CCDC127: variants seen among roughly 807,000 people sequenced by gnomAD.
The protein encoded by CCDC127 is coiled-coil domain containing 127, also known as coiled-coil domain-containing protein 127.
In CCDC127, 2 loss-of-function variants were observed where a neutral mutation model predicts 4.1. That is an observed-to-expected ratio of 0.49 (90% confidence interval 0.20 to 1.53). The LOEUF (loss-of-function observed/expected upper bound fraction) is 1.53, where lower values mean the gene tolerates loss of function less well. Among genes scored for constraint, CCDC127 ranks in the 40% most tolerant of loss-of-function variants. The pLI, the probability that CCDC127 is intolerant of heterozygous loss-of-function variation, is 0.23. For synonymous variants in CCDC127, 98 were observed against 120.4 expected (o/e 0.81, Z 1.22); for missense variants, 271 against 322.9 (o/e 0.84, Z 1.23).
Position 205,719 on chromosome 5 carries a change from C to T in CCDC127, c.361G>A (p.Glu121Lys). The part of the protein sequence containing the change: ...RKLVEEKKLL[E>K]QERAQVMQEK... ...TGCATCACCTGGGCCCGTTCCTGTT[C>T]CAGAAGCTTCTTTTCTTCTACCAAC... Residue 121 changes from glutamate to lysine, a missense_variant, in exon 3 of 3, where the codon GAA becomes AAA. Around this residue, in one of 2 missense-constraint regions of CCDC127, gnomAD observed 265 missense variants for 270.9 expected, o/e 0.98. Coordinates refer to ENST00000296824, the MANE Select transcript of CCDC127 (RefSeq NM_145265.3). The T allele has an allele frequency of 6.2e-7, 1 of 1,614,188 alleles. No homozygotes were observed. Among genetic ancestry groups the T allele is most frequent in the Non-Finnish European group, 8.5e-7 (1 of 1,180,046 alleles).
At chr5:209,093 C>A (rs1411044408) in intron 2 of CCDC127, among the ~76,000 whole-genome samples, 2 of 152,144 alleles carry the variant, frequency 1.3e-5, no homozygotes, top group East Asian at 1.9e-4. Context: ...AGGACTCCCC[C>A]ACAAACACAG....
At position 202,507 on chromosome 5, in the gene CCDC127, C is replaced by T. The variant is rs1734091220; in HGVS notation, c.*2790G>A. The T allele has an allele frequency of 6.6e-6, 1 of 152,340 alleles. No homozygotes were observed. Among genetic ancestry groups the T allele is most frequent in the African/African-American group, 2.4e-5 (1 of 41,466 alleles). The allele number at this position is 152,340 out of a possible 1,614,324, so 9.4% of individuals were successfully genotyped here. ...GGCTGAGGCAGGCAAACTACTCGAA[C>T]CCGGGAGGCAGAGCTTGCAGTGAGG... On this transcript the variant is annotated 3_prime_UTR_variant, in exon 3 of 3. Transcript: ENST00000296824.
Position 205,685 on chromosome 5 carries a change from C to G in CCDC127, c.395G>C (p.Arg132Thr), listed in dbSNP as rs1289378061. 6.2e-7 allele frequency: 1 copy of G among 1,614,112 alleles called. No homozygotes were observed. Among genetic ancestry groups the G allele is most frequent in the Non-Finnish European group, 8.5e-7 (1 of 1,180,016 alleles). The change falls in exon 3 of 3, where the codon AGA becomes ACA. Residue 132 changes from arginine to threonine, a missense_variant. Physicochemically the swap from Arg to Thr is moderately conservative, Grantham distance 71 (BLOSUM62 -1). Around this residue, in one of 2 missense-constraint regions of CCDC127, gnomAD observed 265 missense variants for 270.9 expected, o/e 0.98. Coordinates refer to ENST00000296824, the MANE Select transcript of CCDC127 (RefSeq NM_145265.3). ...QERAQVMQEK[R>T]QVQPLRSAYL... Reference sequence around the variant, plus strand: ...CGCACTTCTCAAAGGCTGCACCTGTCTTTTTTCTTGCATCACCTGGGCCCG... The same window carrying G: ...CGCACTTCTCAAAGGCTGCACCTGTGTTTTTTCTTGCATCACCTGGGCCCG...
intron 1 of CCDC127, among the ~76,000 whole-genome samples, chr5:217,878 CA>C (rs1333043892): frequency 1.9e-4 from 29 of 152,250 alleles, no homozygotes; most frequent in African/African-American, 7.0e-4. Flanking sequence ...CACACAATTA[CA>C]AAATAGTTTA....
chr5:208,978 G>A (rs1734233069), intron 2 of CCDC127, among the ~76,000 whole-genome samples: 1 of 130,516 alleles, frequency 7.7e-6, no homozygotes, highest in African/African-American at 3.6e-5. Flanking sequence ...CAGCTGCCAT[G>A]ACAGAGAGCC....
chr5:210,422 TAAC>T (rs1734258602), intron 2 of CCDC127, among the ~76,000 whole-genome samples: 1 of 150,930 alleles, frequency 6.6e-6, no homozygotes, highest in South Asian at 2.1e-4. Flanking sequence ...TAAGACATAT[TAAC>T]AACTCTCAAA....
Position 196,933 on chromosome 5 carries a change from G to T in CCDC127, c.*8364C>A, listed in dbSNP as rs1003675095. 2 of 120,012 alleles carry T rather than the reference G, an allele frequency of 1.7e-5. No homozygotes were observed. Among genetic ancestry groups the T allele is most frequent in the African/African-American group, 5.8e-5 (2 of 34,386 alleles). The allele number at this position is 120,012 out of a possible 1,614,324, so 7.4% of individuals were successfully genotyped here. On this transcript the variant is annotated 3_prime_UTR_variant, in exon 3 of 3. Transcript: ENST00000296824. ...CATACCAAGGACCTGCACTGGCACC[G>T]GCCTCTGAGTTCCCTCAGTTTTTAT...
intron 2 of CCDC127, among the ~76,000 whole-genome samples, chr5:209,885 C>CA (rs55781740): frequency 0.11 from 16,075 of 149,292 alleles, 947 homozygotes; most frequent in Admixed American, 0.16. Flanking sequence ...CAATTGAAAC[C>CA]AAAAAAAAAC....
Position 205,740 on chromosome 5 carries a change from C to A in CCDC127, c.340G>T (p.Val114Leu), listed in dbSNP as rs753663261. The part of the protein sequence containing the change: ...EALISQGRKL[V>L]EEKKLLEQER... ...TGTTCCAGAAGCTTCTTTTCTTCTA[C>A]CAACTTGCGTCCCTGAGAGATAAGG... is the stretch of plus-strand genomic sequence containing the variant. The change falls in exon 3 of 3, where the codon GTA (valine) becomes TTA (leucine). Residue 114 changes from valine (V) to leucine (L), a missense_variant. By Grantham distance (32) the Val-to-Leu change is conservative. This residue lies in a region of CCDC127 where 265 missense variants were observed against 270.9 expected (regional missense o/e 0.98). Transcript: ENST00000296824. 6.2e-7 allele frequency: 1 copy of A among 1,614,142 alleles called. No homozygotes were observed.
chr5:213,147 C>T (rs1478160510), intron 2 of CCDC127, among the ~76,000 whole-genome samples: 1 of 86,724 alleles, frequency 1.2e-5, no homozygotes, highest in African/African-American at 7.3e-5. Flanking sequence ...ATGGGGCAGA[C>T]GGGACAGCAG....
Position 198,717 on chromosome 5 carries a change from A to G in CCDC127, c.*6580T>C, listed in dbSNP as rs1734014301. ...TCGGCCCCATCCTGCATGGCCGTTC[A>G]CCATTCGCTGGGTCTTTGTCCTCGC... On this transcript the variant is annotated 3_prime_UTR_variant, in exon 3 of 3. Coordinates refer to ENST00000296824, the MANE Select transcript of CCDC127 (RefSeq NM_145265.3). The G allele has an allele frequency of 6.6e-6, 1 of 152,290 alleles. No homozygotes were observed. Among genetic ancestry groups the G allele is most frequent in the East Asian group, 1.9e-4 (1 of 5,198 alleles). The allele number at this position is 152,290 out of a possible 1,614,324, so 9.4% of individuals were successfully genotyped here. A position where few individuals can be genotyped will look rare whatever the true frequency, so the allele number is the denominator to read the frequency against.
chr5:208,576 G>A (rs1393394935), intron 2 of CCDC127, among the ~76,000 whole-genome samples: 3 of 152,232 alleles, frequency 2.0e-5, no homozygotes, highest in African/African-American at 7.2e-5. Flanking sequence ...ACACAGGGTG[G>A]GGTCGGGGGG....
chr5:198,004 G>T lies in CCDC127; in HGVS notation c.*7293C>A, dbSNP rs1406614546. On this transcript the variant is annotated 3_prime_UTR_variant, in exon 3 of 3. Transcript: ENST00000296824. The stretch of plus-strand genomic sequence containing the variant: ...CTGCCCCCAGGTCACCCCCACCCAG[G>T]TTTGTCTCCATCCCCTTTCTCCTTC... 6.6e-6 allele frequency: 1 copy of T among 152,214 alleles called. No individual in the cohort carries two copies. Among genetic ancestry groups the T allele is most frequent in the Non-Finnish European group, 1.5e-5 (1 of 68,262 alleles). The allele number at this position is 152,214 out of a possible 1,614,324, so 9.4% of individuals were successfully genotyped here.
Position 200,929 on chromosome 5 carries a change from T to C in CCDC127, c.*4368A>G, listed in dbSNP as rs1325880992. ...GCTAGCCAGCGTCTACACAGCAGGC[T>C]GCCCCCATCACAGCCAGCCAGCGTC... On this transcript the variant is annotated 3_prime_UTR_variant, in exon 3 of 3. Transcript: ENST00000296824. 1 of 132,268 alleles carries C rather than the reference T, an allele frequency of 7.6e-6. No individual in the cohort carries two copies. The highest frequency in any genetic ancestry group is 1.6e-5 in the Non-Finnish European group (1 of 63,722). 8.2% of individuals were successfully genotyped at this position (132,268 alleles called of 1,614,324 possible). A position where few individuals can be genotyped will look rare whatever the true frequency, so the allele number is the denominator to read the frequency against.
At chr5:217,072 A>C in intron 1 of CCDC127, 1 of 474,426 alleles carries the variant, frequency 2.1e-6, no homozygotes. Flanking sequence ...TGGAGGTTGC[A>C]GTGAGTCGAG....
In CCDC127 at chr5:202,194, T is replaced by C. The variant is rs1734086911; in HGVS notation, c.*3103A>G. The C allele has an allele frequency of 6.6e-6, 1 of 152,208 alleles. No homozygotes were observed. The highest frequency in any genetic ancestry group is 1.5e-5 in the Non-Finnish European group (1 of 68,050). The allele number at this position is 152,208 out of a possible 1,614,324, so 9.4% of individuals were successfully genotyped here. A position where few individuals can be genotyped will look rare whatever the true frequency, so the allele number is the denominator to read the frequency against. On this transcript the variant is annotated 3_prime_UTR_variant, in exon 3 of 3. Coordinates refer to ENST00000296824, the MANE Select transcript of CCDC127 (RefSeq NM_145265.3). The stretch of plus-strand genomic sequence containing the variant: ...TGTAACTATTCCAAACCGACCACAA[T>C]CCATTTCAAAAGAGGGTGGCCTCAC...
In CCDC127 at chr5:212,415, T is replaced by C. The variant is rs1199628944; in HGVS notation, c.121+4314A>G. Among the ~76,000 whole-genome samples, 6 of 28,116 alleles carry C rather than the reference T, an allele frequency of 2.1e-4. 1 individual carries two copies. The highest frequency in any genetic ancestry group is 9.5e-4 in the African/African-American group (5 of 5,280). 18.4% of individuals were successfully genotyped at this position (28,116 alleles called of 152,430 possible). A position where few individuals can be genotyped will look rare whatever the true frequency, so the allele number is the denominator to read the frequency against. On this transcript the variant is annotated intron_variant, in intron 2 of 2. Transcript: ENST00000296824. ...ACGAGACAGCACCACACACCCATCATGATGGGGCAGACTGGACAGCAATGT... is the reference window on the plus strand; with the variant it reads ...ACGAGACAGCACCACACACCCATCACGATGGGGCAGACTGGACAGCAATGT...
intron 2 of CCDC127, chr5:214,646 C>T (rs1734343679): frequency 6.6e-6 from 1 of 152,082 alleles, no homozygotes; most frequent in African/African-American, 2.4e-5. Flanking sequence ...AATATTCTCC[C>T]CTGGGAGCTA....
chr5:205,644 G>A lies in CCDC127; in HGVS notation c.436C>T (p.Gln146Ter). 1 of 1,614,138 alleles carries A rather than the reference G, an allele frequency of 6.2e-7. No individual in the cohort carries two copies. Among genetic ancestry groups the A allele is most frequent in the African/African-American group, 1.3e-5 (1 of 75,028 alleles). The stretch of plus-strand genomic sequence containing the variant: ...CTCCTTTGCCAGTTTTCTTCCCTTT[G>A]CAGGCAGCTCAAATACGCACTTCTC... ...PLRSAYLSCL[Q>*]REENWQRRAR... Residue 146 changes from glutamine (Q) to a stop codon, truncating the protein, a stop_gained, in exon 3 of 3, where the codon CAA becomes TAA. Transcript: ENST00000296824. LOFTEE classifies it low-confidence loss of function (END_TRUNC).
Sources: allele counts gnomAD v4.1 joint callset (sites outside exome capture counted in the v4.1 genomes callset), GRCh38; gene constraint gnomAD v4.1.1; regional missense constraint gnomAD v4.1.1; transcripts MANE v1.5; gene names NCBI Gene and HGNC (gene_info 2026-07-23, HGNC 2026-07-21).